MBD5: variants seen among roughly 807,000 people sequenced by gnomAD.
MBD5 encodes methyl-CpG-binding domain protein 5.
MBD5 carries 13 observed loss-of-function variants against 117.3 expected under a neutral mutation model. The observed-to-expected ratio is 0.11, with a 90% CI of 0.07 to 0.18. MBD5 has a LOEUF of 0.18. MBD5 is among the 10% of genes least tolerant of loss of function. The pLI, the probability that MBD5 is intolerant of heterozygous loss-of-function variation, is 1.00. For synonymous variants in MBD5, 727 were observed against 766.4 expected (o/e 0.95, Z 0.85); for missense variants, 1,879 against 2,093.8 (o/e 0.90, Z 2.00).
intron 2 of MBD5, among the ~76,000 whole-genome samples, chr2:148,215,780 C>A (rs922117351): frequency 7.3e-5 from 11 of 151,380 alleles, no homozygotes; most frequent in Admixed American, 3.3e-4. Flanking sequence ...ACCTTAGCCT[C>A]CCAAAGTGCC....
intron 8 of MBD5, among the ~76,000 whole-genome samples, chr2:148,475,936 A>C (rs1299859540): frequency 1.3e-5 from 2 of 152,216 alleles, no homozygotes; most frequent in Non-Finnish European, 2.9e-5. Flanking sequence ...CAGCCAAGCC[A>C]AGAGTAAAGT....
intron 1 of MBD5, among the ~76,000 whole-genome samples, chr2:148,038,083 AC>A (rs908250414): frequency 4.6e-5 from 7 of 151,776 alleles, no homozygotes; most frequent in African/African-American, 1.7e-4. Flanking sequence ...TTATATAACA[AC>A]TGGTATATCT....
intron 4 of MBD5, among the ~76,000 whole-genome samples, chr2:148,399,312 A>T (rs1704840017): frequency 6.6e-6 from 1 of 152,092 alleles, no homozygotes. Context: ...ATGTGTTTGT[A>T]TCCTCTTTTA....
chr2:148,333,285 C>T (rs1401614950), intron 3 of MBD5, among the ~76,000 whole-genome samples: 3 of 152,114 alleles, frequency 2.0e-5, no homozygotes, highest in Non-Finnish European at 2.9e-5. Context: ...ACCTCGATAA[C>T]ATGTAATTGG....
chr2:148,218,968 T>C (rs1014288160), intron 2 of MBD5, among the ~76,000 whole-genome samples: 6 of 152,188 alleles, frequency 3.9e-5, no homozygotes, highest in African/African-American at 1.4e-4. Context: ...TTTTAAAAGT[T>C]TTTTTCTACA....
At chr2:148,171,517 T>G (rs1156709936) in intron 1 of MBD5, among the ~76,000 whole-genome samples, 1 of 152,168 alleles carries the variant, frequency 6.6e-6, no homozygotes, top group Non-Finnish European at 1.5e-5. Flanking sequence ...AACATCATAC[T>G]GAATGGGAAA....
At position 148,412,556 on chromosome 2, in the gene MBD5, C is replaced by T. The variant is rs1406880304; in HGVS notation, c.-556-45647C>T. Among the ~76,000 whole-genome samples the T allele has an allele frequency of 2.0e-5, 3 of 151,980 alleles. No individual in the cohort carries two copies. The East Asian group carries it at 5.8e-4, about 29-fold the overall frequency. ...CTGTAAACTGTTTCTGGTAGTATGG[C>T]CATCTTAATGATATTGATTCTTCCT... On this transcript the variant is annotated intron_variant, in intron 4 of 13. Transcript: ENST00000642680.
chr2:148,368,722 A>G (rs1043116037), intron 4 of MBD5, among the ~76,000 whole-genome samples: 1 of 152,126 alleles, frequency 6.6e-6, no homozygotes, highest in Non-Finnish European at 1.5e-5. Context: ...TTATCAATCC[A>G]GACCAATATA....
intron 3 of MBD5, among the ~76,000 whole-genome samples, chr2:148,238,014 C>T (rs970139821): frequency 1.3e-5 from 2 of 152,138 alleles, no homozygotes; most frequent in African/African-American, 4.8e-5. Flanking sequence ...GTTCTTAGCA[C>T]TGCCTAACAT....
intron 11 of MBD5, 58 bp from the exon 12 acceptor site, chr2:148,502,378 C>T (rs559337913): frequency 6.6e-7 from 1 of 1,525,876 alleles, no homozygotes; most frequent in Non-Finnish European, 9.1e-7. Flanking sequence ...AAAGTAAAAA[C>T]CGTGTTTAAC....
chr2:148,169,402 A>G (rs912643144), intron 1 of MBD5, among the ~76,000 whole-genome samples: 3 of 152,294 alleles, frequency 2.0e-5, no homozygotes, highest in Admixed American at 6.5e-5. Flanking sequence ...AGCCCAATAC[A>G]TTGATAAGGT....
At chr2:148,108,838 A>T (rs1429535721) in intron 1 of MBD5, among the ~76,000 whole-genome samples, 1 of 152,202 alleles carries the variant, frequency 6.6e-6, no homozygotes, top group African/African-American at 2.4e-5. Context: ...GATTATGAAC[A>T]TGTGCTTCAA....
At chr2:148,383,654 A>G (rs931288601) in intron 4 of MBD5, among the ~76,000 whole-genome samples, 1 of 151,800 alleles carries the variant, frequency 6.6e-6, no homozygotes, top group Non-Finnish European at 1.5e-5. Context: ...ACAAAACAAA[A>G]AAAAAAAGAG....
At chr2:148,103,913 ATT>A (rs1696299096) in intron 1 of MBD5, among the ~76,000 whole-genome samples, 1 of 152,166 alleles carries the variant, frequency 6.6e-6, no homozygotes, top group Admixed American at 6.5e-5. Flanking sequence ...TTAGGAAATA[ATT>A]TTTATAGCAA....
chr2:148,045,523 T>G (rs537411608), intron 1 of MBD5, among the ~76,000 whole-genome samples: 1 of 152,358 alleles, frequency 6.6e-6, no homozygotes, highest in South Asian at 2.1e-4. Context: ...CTTGTATGTA[T>G]GGCATTTAAT....
At position 148,438,108 on chromosome 2, in the gene MBD5, TA is replaced by T. The variant is rs547760808; in HGVS notation, c.-556-20091del. 4.7e-4 allele frequency among the ~76,000 whole-genome samples: 72 copies of T among 152,304 alleles called. 1 individual carries two copies. The South Asian group carries it at 0.015, about 31-fold the overall frequency. On this transcript the variant is annotated intron_variant, in intron 4 of 13. Coordinates refer to ENST00000642680, the MANE Select transcript of MBD5 (RefSeq NM_001378120.1). Reference sequence around the variant, plus strand: ...ATGCATAAAATGAATTAGAACTCTCTAAAAGTCTTACATATTTTGTACATCC... The same window carrying T: ...ATGCATAAAATGAATTAGAACTCTCTAAAGTCTTACATATTTTGTACATCC...
chr2:148,114,828 T>G (rs535947610), intron 1 of MBD5, among the ~76,000 whole-genome samples: 5 of 152,270 alleles, frequency 3.3e-5, no homozygotes, highest in African/African-American at 9.6e-5. Context: ...TTTCCCCTTC[T>G]TTTTTCTTAA....
intron 12 of MBD5, among the ~76,000 whole-genome samples, chr2:148,505,677 T>C (rs1036094185): frequency 3.3e-5 from 5 of 152,198 alleles, no homozygotes; most frequent in Non-Finnish European, 7.3e-5. Flanking sequence ...TATTTACTCT[T>C]CTTTCTACCC....
At chr2:148,253,062 G>C (rs1456100558) in intron 3 of MBD5, among the ~76,000 whole-genome samples, 1 of 151,994 alleles carries the variant, frequency 6.6e-6, no homozygotes, top group Non-Finnish European at 1.5e-5. Flanking sequence ...ATTGGGGTTT[G>C]GGTTCTGAAA....
Sources: allele counts gnomAD v4.1 joint callset (sites outside exome capture counted in the v4.1 genomes callset), GRCh38; gene constraint gnomAD v4.1.1; transcripts MANE v1.5; gene names NCBI Gene and HGNC (gene_info 2026-07-23, HGNC 2026-07-21).